The following GID4 variants were observed in gnomAD, a reference collection of about 807,000 sequenced individuals.
GID4 encodes the protein GID complex subunit 4 homolog.
GID4 carries 7 observed loss-of-function variants against 32.4 expected under a neutral mutation model. The observed-to-expected ratio is 0.22, with a 90% CI of 0.12 to 0.41. The LOEUF (loss-of-function observed/expected upper bound fraction) is 0.41, where lower values mean the gene tolerates loss of function less well. Among genes scored for constraint, GID4 ranks in the 10% least tolerant of loss-of-function variants. The pLI, the probability that GID4 is intolerant of heterozygous loss-of-function variation, is 1.00. For missense variants in GID4, 309 were observed against 400.0 expected, an observed-to-expected ratio of 0.77 and a Z score of 1.94; for synonymous variants, 166 against 170.0, an observed-to-expected ratio of 0.98 and a Z score of 0.18.
intron 3 of GID4, 82 bp downstream of exon 3, chr17:18,054,316 T>G (rs1597695640): frequency 2.4e-6 from 2 of 826,592 alleles, no homozygotes; most frequent in East Asian, 2.6e-5. Flanking sequence ...ACCTTGTCCC[T>G]TATTGAGGAT....
intron 1 of GID4, among the ~76,000 whole-genome samples, chr17:18,043,979 G>A (rs1292200565): frequency 6.6e-6 from 1 of 152,170 alleles, no homozygotes; most frequent in Non-Finnish European, 1.5e-5. Context: ...TTTTTGAGGT[G>A]ACGTGGCTTC....
At chr17:18,058,186 A>G (rs1444361044) in intron 3 of GID4, among the ~76,000 whole-genome samples, 5 of 152,224 alleles carry the variant, frequency 3.3e-5, no homozygotes, top group Non-Finnish European at 7.3e-5. Context: ...CAGTATAACC[A>G]CTATTCACTT....
chr17:18,051,909 C>G (rs1278617576), intron 2 of GID4, among the ~76,000 whole-genome samples: 1 of 151,776 alleles, frequency 6.6e-6, no homozygotes, highest in Non-Finnish European at 1.5e-5. Flanking sequence ...CCTGTCTCTA[C>G]TAAAAATACA....
chr17:18,044,825 A>C (rs2044837043), intron 1 of GID4, among the ~76,000 whole-genome samples: 1 of 152,208 alleles, frequency 6.6e-6, no homozygotes, highest in Non-Finnish European at 1.5e-5. Flanking sequence ...AGCAATGCTC[A>C]AGGTCTCTAG....
In GID4 at chr17:18,066,187, CCAG is replaced by C. The variant is rs2045060410; in HGVS notation, c.*948_*950del. On this transcript the variant is annotated 3_prime_UTR_variant, in exon 6 of 6. Coordinates refer to ENST00000268719, the MANE Select transcript of GID4 (RefSeq NM_024052.5). ...TATATGTATATGTATATTTAATCAA[CCAG>C]CAGTTTTGAAACTAGTCATCCTGGT... 1.3e-5 allele frequency: 2 copies of C among 152,632 alleles called. No homozygotes were observed. The highest frequency in any genetic ancestry group is 4.1e-4 in the South Asian group (2 of 4,830). The allele number at this position is 152,632 out of a possible 1,614,324, so 9.5% of individuals were successfully genotyped here. A position where few individuals can be genotyped will look rare whatever the true frequency, so the allele number is the denominator to read the frequency against.
chr17:18,054,507 T>C (rs2044945566), intron 3 of GID4, among the ~76,000 whole-genome samples: 1 of 152,170 alleles, frequency 6.6e-6, no homozygotes. Context: ...ATCTTAACAG[T>C]GTCCCCCCAT....
At chr17:18,044,118 C>T (rs759831884) in intron 1 of GID4, among the ~76,000 whole-genome samples, 3 of 152,158 alleles carry the variant, frequency 2.0e-5, no homozygotes, top group Non-Finnish European at 4.4e-5. Flanking sequence ...ACACTCCATG[C>T]GGATACTGTC....
At position 18,066,698 on chromosome 17, in the gene GID4, A is replaced by C. The variant is rs942394011; in HGVS notation, c.*1455A>C. The stretch of plus-strand genomic sequence containing the variant: ...GGCTGCATATCCATGGGCGGGCAGC[A>C]TAAGAGAATGTGAAGCCCTTCAGTG... On this transcript the variant is annotated 3_prime_UTR_variant, in exon 6 of 6. Coordinates refer to ENST00000268719, the MANE Select transcript of GID4 (RefSeq NM_024052.5). The C allele has an allele frequency of 1.3e-5, 2 of 152,204 alleles. No individual in the cohort carries two copies. Among genetic ancestry groups the C allele is most frequent in the African/African-American group, 4.8e-5 (2 of 41,444 alleles). 9.4% of individuals were successfully genotyped at this position (152,204 alleles called of 1,614,324 possible). A position where few individuals can be genotyped will look rare whatever the true frequency, so the allele number is the denominator to read the frequency against.
rs2045058501 is a variant in GID4, at chr17:18,065,985, C to G, written c.*742C>G. The G allele has an allele frequency of 1.3e-5, 2 of 152,224 alleles. No individual in the cohort carries two copies. Among genetic ancestry groups the G allele is most frequent in the Admixed American group, 1.3e-4 (2 of 15,282 alleles). The allele number at this position is 152,224 out of a possible 1,614,324, so 9.4% of individuals were successfully genotyped here. A position where few individuals can be genotyped will look rare whatever the true frequency, so the allele number is the denominator to read the frequency against. ...GCTTACTCAGTACATTTGCTCCAAA[C>G]TTTTCAACTTGAGGGCAATACTAAA... On this transcript the variant is annotated 3_prime_UTR_variant, in exon 6 of 6. Transcript: ENST00000268719.
chr17:18,047,654 C>T (rs2044867477), intron 2 of GID4, among the ~76,000 whole-genome samples: 1 of 152,206 alleles, frequency 6.6e-6, no homozygotes, highest in Admixed American at 6.5e-5. Flanking sequence ...ATGGCGTGGC[C>T]TCGATGAGCA....
intron 1 of GID4, among the ~76,000 whole-genome samples, chr17:18,041,914 ATGGC>A (rs2145545560): frequency 6.6e-6 from 1 of 152,330 alleles, no homozygotes; most frequent in South Asian, 2.1e-4. Flanking sequence ...AACCTGGTGG[ATGGC>A]TGGGAGCCAC....
chr17:18,052,058 A>G (rs1474695400), intron 2 of GID4, among the ~76,000 whole-genome samples: 1 of 148,600 alleles, frequency 6.7e-6, no homozygotes, highest in Non-Finnish European at 1.5e-5. Context: ...TGGGCGACAG[A>G]GCAAGACTCT....
rs917695484 is a variant in GID4 at position 18,067,273 on chromosome 17, T to C, written c.*2030T>C. 3.3e-5 allele frequency: 5 copies of C among 152,294 alleles called. No individual in the cohort carries two copies. The highest frequency in any genetic ancestry group is 2.6e-4 in the Admixed American group (4 of 15,288). 9.4% of individuals were successfully genotyped at this position (152,294 alleles called of 1,614,324 possible). A position where few individuals can be genotyped will look rare whatever the true frequency, so the allele number is the denominator to read the frequency against. On this transcript the variant is annotated 3_prime_UTR_variant, in exon 6 of 6. Coordinates refer to ENST00000268719, the MANE Select transcript of GID4 (RefSeq NM_024052.5). ...GCCTGTGAGGGATATAGGCCTCCCC[T>C]TGGAGCACTGAGTCCGGAGGTCATC... is the stretch of plus-strand genomic sequence containing the variant.
intron 3 of GID4, among the ~76,000 whole-genome samples, chr17:18,056,222 T>C (rs924759112): frequency 2.0e-5 from 3 of 152,244 alleles, no homozygotes; most frequent in African/African-American, 7.2e-5. Flanking sequence ...TAAATTTAAA[T>C]TTAAACTTGA....
At position 18,059,016 on chromosome 17, in the gene GID4, C is replaced by T. The variant is rs913507417; in HGVS notation, c.708+47C>T. 4 of 1,043,910 alleles carry T rather than the reference C, an allele frequency of 3.8e-6. No homozygotes were observed. In the African/African-American group the frequency reaches 6.3e-5, roughly 16 times the overall value. The allele number at this position is 1,043,910 out of a possible 1,614,324, so 64.7% of individuals were successfully genotyped here. A position where few individuals can be genotyped will look rare whatever the true frequency, so the allele number is the denominator to read the frequency against. Reference sequence around the variant, plus strand: ...CTCCAGACTCCCAGCAAGCCAGGCCCTGTATCGCACCTACATATTCACTCT... The same window carrying T: ...CTCCAGACTCCCAGCAAGCCAGGCCTTGTATCGCACCTACATATTCACTCT... On this transcript the variant is annotated intron_variant, in intron 4 of 5. Coordinates refer to ENST00000268719, the MANE Select transcript of GID4 (RefSeq NM_024052.5).
intron 3 of GID4, among the ~76,000 whole-genome samples, chr17:18,058,572 TTGTC>T (rs2044991188): frequency 6.6e-6 from 1 of 152,224 alleles, no homozygotes; most frequent in Admixed American, 6.5e-5. Context: ...TCTGTTTATT[TTGTC>T]TGTCTGTTCA....
chr17:18,061,614 C>T lies in GID4; in HGVS notation c.709-231C>T, dbSNP rs1048686715. Among the ~76,000 whole-genome samples, 2 of 152,092 alleles carry T rather than the reference C, an allele frequency of 1.3e-5. No homozygotes were observed. Among genetic ancestry groups the T allele is most frequent in the African/African-American group, 4.8e-5 (2 of 41,404 alleles). On this transcript the variant is annotated intron_variant, in intron 4 of 5. Coordinates refer to ENST00000268719, the MANE Select transcript of GID4 (RefSeq NM_024052.5). The surrounding 1 kb of genome is among the most constrained non-coding windows in gnomAD (Gnocchi z 4.4). ...TCTGAATTGCTGATCCTAGTGAGCT[C>T]AAGACACAGTTTGTCACTTTAGTAT...
At position 18,039,701 on chromosome 17, in the gene GID4, G is replaced by C; in HGVS notation, c.237G>C (p.Pro79=). 1 of 1,458,798 alleles carries C rather than the reference G, an allele frequency of 6.9e-7. No individual in the cohort carries two copies. Among genetic ancestry groups the C allele is most frequent in the South Asian group, 1.3e-5 (1 of 75,776 alleles). 90.4% of individuals were successfully genotyped at this position (1,458,798 alleles called of 1,614,324 possible). A position where few individuals can be genotyped will look rare whatever the true frequency, so the allele number is the denominator to read the frequency against. Residue 79 remains proline (P), a synonymous_variant, in exon 1 of 6, where the codon CCG becomes CCC. Transcript: ENST00000268719. This position sits in a 1 kb window ranked among gnomAD's most constrained non-coding sequence, Gnocchi z 5.3. ...TCCCACTCCCCCCAGCCCTGGCTCC[G>C]GGGGACCCCGCGATGCCGGTCCGCA... ...VPLPLPPALA[P]GDPAMPVRTE...
In GID4 at chr17:18,065,248, G is replaced by A. The variant is rs1352473791; in HGVS notation, c.*5G>A. The stretch of plus-strand genomic sequence containing the variant: ...CCCATCTATGAATTCCGGTGACAAC[G>A]GTTCAGAACAGCAACCAAATAAAAC... On this transcript the variant is annotated 3_prime_UTR_variant, in exon 6 of 6. Transcript: ENST00000268719. The A allele has an allele frequency of 1.8e-5, 29 of 1,610,920 alleles. No homozygotes were observed. The highest frequency in any genetic ancestry group is 6.7e-5 in the African/African-American group (5 of 74,820).
Sources: gnomAD v4.1 joint callset for allele counts (sites outside exome capture counted in the v4.1 genomes callset) on GRCh38, gnomAD v4.1.1 for gene constraint, Gnocchi (gnomAD v3.1) non-coding constraint, MANE v1.5 for transcripts, NCBI Gene and HGNC (gene_info 2026-07-23, HGNC 2026-07-21) for gene names.